Variants in CACNG7 observed in about 807,000 individuals in gnomAD.
The protein encoded by CACNG7 is voltage-dependent calcium channel gamma-7 subunit.
CACNG7 carries 9 observed loss-of-function variants against 26.3 expected under a neutral mutation model. The ratio of observed to expected loss-of-function variants is 0.34; its 90% CI spans 0.21 to 0.60. The LOEUF is 0.60. Ranked by LOEUF, CACNG7 falls within the 20% of genes least tolerant of loss-of-function variation. CACNG7 has a pLI of 0.81. For synonymous variants in CACNG7, 170 were observed against 157.0 expected, an observed-to-expected ratio of 1.08 and a Z score of -0.62; for missense variants, 297 against 380.4, an observed-to-expected ratio of 0.78 and a Z score of 1.82.
chr19:53,916,662 A>AT (rs1223891653), intron 4 of CACNG7, among the ~76,000 whole-genome samples: 2,903 of 106,174 alleles, frequency 0.027, 65 homozygotes, highest in African/African-American at 0.074. Flanking sequence ...CTAATTTTCT[A>AT]TTTTTTTTTT....
intron 4 of CACNG7, among the ~76,000 whole-genome samples, chr19:53,924,114 A>T: frequency 7.9e-6 from 1 of 127,340 alleles, no homozygotes; most frequent in Non-Finnish European, 1.6e-5. Flanking sequence ...GTATTGGTGG[A>T]CTTGCCCCAG....
intron 4 of CACNG7, among the ~76,000 whole-genome samples, chr19:53,926,448 A>G (rs940382533): frequency 6.6e-6 from 1 of 152,100 alleles, no homozygotes; most frequent in Non-Finnish European, 1.5e-5. Flanking sequence ...CCTAATTCTC[A>G]GAAGCCTCAA....
Position 53,942,384 on chromosome 19 carries a change from C to T in CACNG7, c.*91C>T. On this transcript the variant is annotated 3_prime_UTR_variant, in exon 6 of 6. Transcript: ENST00000391767. The surrounding 1 kb of genome is among the most constrained non-coding windows in gnomAD (Gnocchi z 5.9). Reference sequence around the variant, plus strand: ...GCAGCGCCCCCTTCCGTCCTCGGGACTCCTCGCTCCCACCCGGAGGAGGCT... The same window carrying T: ...GCAGCGCCCCCTTCCGTCCTCGGGATTCCTCGCTCCCACCCGGAGGAGGCT... 3.3e-6 allele frequency: 5 copies of T among 1,524,706 alleles called. No homozygotes were observed. Among genetic ancestry groups the T allele is most frequent in the Non-Finnish European group, 8.8e-7 (1 of 1,137,530 alleles). The allele number at this position is 1,524,706 out of a possible 1,614,324, so 94.4% of individuals were successfully genotyped here.
At chr19:53,941,907 T>G (rs1396103131) in intron 5 of CACNG7, 129 bp from the exon 6 acceptor site, 1 of 1,268,752 alleles carries the variant, frequency 7.9e-7, no homozygotes, top group African/African-American at 1.5e-5. Flanking sequence ...GCTGGAGCCC[T>G]GATCCTGGGT....
intron 4 of CACNG7, among the ~76,000 whole-genome samples, chr19:53,920,903 G>C (rs2068941921): frequency 8.2e-6 from 1 of 121,314 alleles, no homozygotes. Context: ...CTGGTCATTG[G>C]TGGAGTTGTC....
chr19:53,926,988 T>G (rs1438101742), intron 4 of CACNG7, among the ~76,000 whole-genome samples: 2 of 151,460 alleles, frequency 1.3e-5, no homozygotes, highest in Non-Finnish European at 2.9e-5. Flanking sequence ...TGAGACAGAG[T>G]CTTGCTTTGT....
chr19:53,931,759 CTT>C (rs776971448), intron 4 of CACNG7, among the ~76,000 whole-genome samples: 1 of 108,746 alleles, frequency 9.2e-6, no homozygotes. Flanking sequence ...ACAACGCTGA[CTT>C]TTTTTTTTTT....
intron 4 of CACNG7, among the ~76,000 whole-genome samples, chr19:53,931,824 C>G (rs1209072157): frequency 1.4e-5 from 2 of 139,586 alleles, no homozygotes; most frequent in East Asian, 4.3e-4. Flanking sequence ...TGCAGTGGCA[C>G]GATCTCGGCT....
At chr19:53,913,746 T>A (rs1157994932) in intron 2 of CACNG7, among the ~76,000 whole-genome samples, 1 of 143,156 alleles carries the variant, frequency 7.0e-6, no homozygotes, top group Non-Finnish European at 1.5e-5. Flanking sequence ...ACGGTGCTGC[T>A]GTACTCCAAC....
Position 53,909,381 on chromosome 19 carries a change from G to T in CACNG7, c.-166G>T, listed in dbSNP as rs1197310615. On this transcript the variant is annotated 5_prime_UTR_variant, in exon 1 of 6. Transcript: ENST00000391767. The surrounding 1 kb of genome is among the most constrained non-coding windows in gnomAD (Gnocchi z 5.1). ...TGGGAGGCCGGGAGGGGGCCGGGAC[G>T]CCGGGCTCCGGGGCGGGGGCGGGGG... 6.7e-6 allele frequency: 1 copy of T among 148,262 alleles called. No homozygotes were observed. Among genetic ancestry groups the T allele is most frequent in the Non-Finnish European group, 1.5e-5 (1 of 66,372 alleles). 9.2% of individuals were successfully genotyped at this position (148,262 alleles called of 1,614,324 possible).
rs1600006716 is a variant in CACNG7, at chr19:53,942,510, T to A, written c.*217T>A. 1.4e-6 allele frequency: 2 copies of A among 1,412,326 alleles called. No homozygotes were observed. The highest frequency in any genetic ancestry group is 1.8e-6 in the Non-Finnish European group (2 of 1,087,266). The allele number at this position is 1,412,326 out of a possible 1,614,324, so 87.5% of individuals were successfully genotyped here. A position where few individuals can be genotyped will look rare whatever the true frequency, so the allele number is the denominator to read the frequency against. ...TTTCCCGACCTCTCCTTTTCATTGG[T>A]CCCTCTCACTCCCAAATGACTCCTC... On this transcript the variant is annotated 3_prime_UTR_variant, in exon 6 of 6. Transcript: ENST00000391767. This position sits in a 1 kb window ranked among gnomAD's most constrained non-coding sequence, Gnocchi z 5.9.
intron 1 of CACNG7, among the ~76,000 whole-genome samples, chr19:53,910,255 G>A (rs8111365): frequency 0.093 from 14,175 of 151,868 alleles, 1,640 homozygotes; most frequent in African/African-American, 0.27. Flanking sequence ...GGGCTGCGAG[G>A]GGACCAGGCA....
chr19:53,924,359 G>C (rs1225792556), intron 4 of CACNG7, among the ~76,000 whole-genome samples: 30 of 140,062 alleles, frequency 2.1e-4, no homozygotes, highest in African/African-American at 7.1e-4. Flanking sequence ...CATTGGTGGA[G>C]TTGTCCCCAG....
At chr19:53,914,038 G>T (rs1471002949) in intron 2 of CACNG7, among the ~76,000 whole-genome samples, 1 of 151,890 alleles carries the variant, frequency 6.6e-6, no homozygotes, top group Non-Finnish European at 1.5e-5. Flanking sequence ...CACTTTGGGG[G>T]GCCAAGGCAG....
Position 53,912,924 on chromosome 19 carries a change from C to T in CACNG7, c.93C>T (p.Asp31=). Residue 31 remains aspartate, a synonymous_variant, in exon 2 of 6, where the codon GAC becomes GAT. Coordinates refer to ENST00000391767, the MANE Select transcript of CACNG7 (RefSeq NM_031896.5). This position sits in a 1 kb window ranked among gnomAD's most constrained non-coding sequence, Gnocchi z 4.6. ...TGGTAGGCATCGCGGTCAGCACTGA[C>T]TACTGGCTGTACATGGAAGAAGGCA... is the stretch of plus-strand genomic sequence containing the variant. ...LLLVGIAVST[D]YWLYMEEGTV... 6.2e-7 allele frequency: 1 copy of T among 1,614,154 alleles called. No individual in the cohort carries two copies. The highest frequency in any genetic ancestry group is 8.5e-7 in the Non-Finnish European group (1 of 1,180,032).
chr19:53,937,137 A>T (rs1600000766), intron 4 of CACNG7, among the ~76,000 whole-genome samples: 1 of 152,022 alleles, frequency 6.6e-6, no homozygotes, highest in Non-Finnish European at 1.5e-5. Context: ...TGATCTGCCC[A>T]CCTCGGCCTC....
At chr19:53,924,276 G>C (rs879205912) in intron 4 of CACNG7, among the ~76,000 whole-genome samples, 3 of 144,112 alleles carry the variant, frequency 2.1e-5, no homozygotes, top group African/African-American at 7.9e-5. Flanking sequence ...GTCATTGGTG[G>C]ACTTTCCCCA....
At chr19:53,913,070 C>T in intron 2 of CACNG7, 43 bp downstream of exon 2, 1 of 1,560,948 alleles carries the variant, frequency 6.4e-7, no homozygotes, top group East Asian at 2.3e-5. Context: ...TTCTGCCTTG[C>T]CTGGGGTCTG....
At chr19:53,923,721 G>C (rs1288095615) in intron 4 of CACNG7, among the ~76,000 whole-genome samples, 2 of 137,312 alleles carry the variant, frequency 1.5e-5, no homozygotes, top group Non-Finnish European at 3.1e-5. Flanking sequence ...CCCAGGTCTG[G>C]TCATTGGTGG....
Sources: gnomAD v4.1 joint callset for allele counts (sites outside exome capture counted in the v4.1 genomes callset) on GRCh38, gnomAD v4.1.1 for gene constraint, Gnocchi (gnomAD v3.1) non-coding constraint, MANE v1.5 for transcripts, NCBI Gene and HGNC (gene_info 2026-07-23, HGNC 2026-07-21) for gene names.